Variants in PLCB1 observed in about 807,000 individuals in gnomAD.
PLCB1 encodes the protein 1-phosphatidylinositol 4,5-bisphosphate phosphodiesterase beta-1.
A neutral mutation model predicts 161.8 loss-of-function variants in PLCB1; 46 were observed. The ratio of observed to expected loss-of-function variants is 0.28; its 90% CI spans 0.22 to 0.36. The LOEUF (loss-of-function observed/expected upper bound fraction) is 0.36. PLCB1 is among the 10% of genes least tolerant of loss of function. The probability of loss-of-function intolerance (pLI) is 1.00; values close to 1 mark genes in which losing one functional copy is unlikely to be tolerated. For synonymous variants in PLCB1, 517 were observed against 503.7 expected (o/e 1.03, Z -0.35); for missense variants, 1,016 against 1,472.5 (o/e 0.69, Z 5.07).
chr20:8,491,953 T>G (rs1982964232), intron 3 of PLCB1, among the ~76,000 whole-genome samples: 1 of 146,404 alleles, frequency 6.8e-6, no homozygotes, highest in Admixed American at 6.7e-5. Flanking sequence ...TTTTGTTTTT[T>G]TGTTTTGGTT....
At chr20:8,651,022 A>T (rs1989303535) in intron 7 of PLCB1, among the ~76,000 whole-genome samples, 2 of 152,174 alleles carry the variant, frequency 1.3e-5, no homozygotes, top group South Asian at 4.1e-4. Context: ...ATTTTGATTC[A>T]TTTCTACATG....
At position 8,552,276 on chromosome 20, in the gene PLCB1, C is replaced by A. The variant is rs12624515; in HGVS notation, c.247-76018C>A. ...TATGTTTAATGTGGTGCCCACCAGA[C>A]CCAGATGTAACGTACAGCTTTTCCT... On this transcript the variant is annotated intron_variant, in intron 3 of 31. Coordinates refer to ENST00000338037, the MANE Select transcript of PLCB1 (RefSeq NM_015192.4). Among the ~76,000 whole-genome samples the A allele has an allele frequency of 4.5e-3, 679 of 152,266 alleles. 50 individuals carry two copies. The East Asian group carries it at 0.12, about 27-fold the overall frequency.
At chr20:8,813,491 T>C (rs1305851855) in intron 31 of PLCB1, among the ~76,000 whole-genome samples, 1 of 152,000 alleles carries the variant, frequency 6.6e-6, no homozygotes, top group African/African-American at 2.4e-5. Flanking sequence ...ACCATCATAA[T>C]AAAAGGGGCA....
chr20:8,629,817 T>TTTTCTTTCTTTTCTTTCTTTC (rs1555777956), intron 4 of PLCB1, among the ~76,000 whole-genome samples: 16 of 97,074 alleles, frequency 1.6e-4, no homozygotes, highest in East Asian at 5.5e-4. Context: ...CTTTTCTTTC[T>TTTTCTTTCTTTTCTTTCTTTC]TTTCTTTCTT....
chr20:8,247,435 T>G (rs909783364), intron 2 of PLCB1, among the ~76,000 whole-genome samples: 5 of 151,998 alleles, frequency 3.3e-5, no homozygotes, highest in Non-Finnish European at 7.4e-5. Flanking sequence ...TTAGAAATTT[T>G]AAATGGTTAA....
At chr20:8,687,295 G>A (rs555825793) in intron 10 of PLCB1, among the ~76,000 whole-genome samples, 35 of 152,222 alleles carry the variant, frequency 2.3e-4, no homozygotes, top group South Asian at 1.0e-3. Context: ...AAAGTCCTGG[G>A]ATTAACGACA....
intron 6 of PLCB1, among the ~76,000 whole-genome samples, chr20:8,648,954 A>AG (rs1491427117): frequency 8.8e-6 from 1 of 113,700 alleles, no homozygotes; most frequent in Non-Finnish European, 2.1e-5. Flanking sequence ...AAAAAAAAAA[A>AG]GAAAGAAAGA....
intron 2 of PLCB1, among the ~76,000 whole-genome samples, chr20:8,308,343 G>A (rs1049990662): frequency 8.0e-5 from 12 of 150,200 alleles, no homozygotes; most frequent in African/African-American, 2.7e-4. Context: ...TCAGCCGGGC[G>A]CAGTGGCTCA....
intron 3 of PLCB1, among the ~76,000 whole-genome samples, chr20:8,531,217 A>G (rs981887023): frequency 6.6e-6 from 1 of 152,104 alleles, no homozygotes; most frequent in Non-Finnish European, 1.5e-5. Context: ...ATTCAGACCC[A>G]TGTAACAAAA....
At chr20:8,420,106 C>A (rs1238783166) in intron 3 of PLCB1, among the ~76,000 whole-genome samples, 7 of 152,158 alleles carry the variant, frequency 4.6e-5, no homozygotes, top group Non-Finnish European at 2.9e-5. Context: ...ACTTTTACAA[C>A]AGAGAAAGCC....
At chr20:8,594,528 C>T (rs1269902983) in intron 3 of PLCB1, among the ~76,000 whole-genome samples, 3 of 151,508 alleles carry the variant, frequency 2.0e-5, no homozygotes, top group African/African-American at 7.2e-5. Flanking sequence ...AGATGTGATG[C>T]TTCTGGTCCA....
intron 3 of PLCB1, among the ~76,000 whole-genome samples, chr20:8,551,656 T>C (rs1251887625): frequency 6.6e-6 from 1 of 152,090 alleles, no homozygotes; most frequent in Non-Finnish European, 1.5e-5. Flanking sequence ...CTCAGTTGTG[T>C]CATCCCTTAG....
intron 10 of PLCB1, among the ~76,000 whole-genome samples, chr20:8,690,581 G>A (rs918492436): frequency 1.3e-5 from 2 of 152,096 alleles, no homozygotes; most frequent in African/African-American, 4.8e-5. Context: ...GAGAATTCAA[G>A]GCCTGAAAAA....
intron 31 of PLCB1, among the ~76,000 whole-genome samples, chr20:8,862,629 A>G (rs764973297): frequency 6.6e-6 from 1 of 152,196 alleles, no homozygotes; most frequent in Non-Finnish European, 1.5e-5. Flanking sequence ...AAATCTAAAC[A>G]TAGTTACTGG....
chr20:8,268,899 T>C (rs965619155), intron 2 of PLCB1, among the ~76,000 whole-genome samples: 1 of 152,054 alleles, frequency 6.6e-6, no homozygotes, highest in African/African-American at 2.4e-5. Flanking sequence ...CAAAATGAGA[T>C]TAAATTCAGA....
intron 3 of PLCB1, among the ~76,000 whole-genome samples, chr20:8,413,091 C>T (rs1009063189): frequency 6.6e-6 from 1 of 152,040 alleles, no homozygotes; most frequent in African/African-American, 2.4e-5. Context: ...ATTATGCAAA[C>T]ATTAATGTTT....
chr20:8,847,840 G>A (rs6086643), intron 31 of PLCB1, among the ~76,000 whole-genome samples: 2 of 151,740 alleles, frequency 1.3e-5, no homozygotes, highest in African/African-American at 2.4e-5. Context: ...GGTATATAGG[G>A]TATCGTAGTC....
intron 3 of PLCB1, among the ~76,000 whole-genome samples, chr20:8,563,253 G>T (rs539358395): frequency 1.3e-5 from 2 of 152,020 alleles, no homozygotes; most frequent in South Asian, 2.1e-4. Context: ...ATGTGGTTCT[G>T]GTGGAAGTAG....
chr20:8,520,404 A>C (rs1984303105), intron 3 of PLCB1, among the ~76,000 whole-genome samples: 1 of 152,116 alleles, frequency 6.6e-6, no homozygotes, highest in South Asian at 2.1e-4. Flanking sequence ...ACTTTCATTA[A>C]CTATTTTGCC....
Sources: gnomAD v4.1 joint callset for allele counts (sites outside exome capture counted in the v4.1 genomes callset) on GRCh38, gnomAD v4.1.1 for gene constraint, MANE v1.5 for transcripts, NCBI Gene and HGNC (gene_info 2026-07-23, HGNC 2026-07-21) for gene names.